PDZD2: variants seen among roughly 807,000 people sequenced by gnomAD.
The protein encoded by PDZD2 is PDZ domain containing 2, also known as PDZ domain-containing protein 2.
Under a neutral mutation model 220.7 loss-of-function variants are expected in PDZD2, and 90 were observed. That is an observed-to-expected ratio of 0.41 (90% CI 0.34 to 0.49). PDZD2 has a LOEUF of 0.49. Among genes scored for constraint, PDZD2 ranks in the 20% least tolerant of loss-of-function variants. PDZD2 has a pLI of 0.28. For synonymous variants in PDZD2, 1,375 were observed against 1,450.5 expected (o/e 0.95, Z 1.18); for missense variants, 3,174 against 3,608.5 (o/e 0.88, Z 3.08).
chr5:31,918,313 T>C (rs1434402090), intron 2 of PDZD2, among the ~76,000 whole-genome samples: 1 of 152,188 alleles, frequency 6.6e-6, no homozygotes, highest in African/African-American at 2.4e-5. Flanking sequence ...GGAAAGGCAC[T>C]GAGCTGGGTG....
At chr5:31,704,510 G>T (rs1001523566) in intron 1 of PDZD2, among the ~76,000 whole-genome samples, 2 of 152,142 alleles carry the variant, frequency 1.3e-5, no homozygotes, top group Non-Finnish European at 2.9e-5. Context: ...AATAATAAGT[G>T]CATCCATCCA....
chr5:31,730,054 C>G (rs1400083760), intron 1 of PDZD2, among the ~76,000 whole-genome samples: 1 of 152,182 alleles, frequency 6.6e-6, no homozygotes, highest in East Asian at 1.9e-4. Flanking sequence ...TCTTGAACTC[C>G]TGACCTCAGG....
chr5:31,812,049 C>G (rs994188263), intron 2 of PDZD2, among the ~76,000 whole-genome samples: 7 of 150,564 alleles, frequency 4.6e-5, no homozygotes, highest in African/African-American at 1.7e-4. Context: ...AATTCAAGCT[C>G]TGTTAAGTAC....
At chr5:31,698,365 G>A (rs1339438800) in intron 1 of PDZD2, among the ~76,000 whole-genome samples, 1 of 150,178 alleles carries the variant, frequency 6.7e-6, no homozygotes, top group Non-Finnish European at 1.5e-5. Context: ...GGAGGCCGAG[G>A]TGGGCGGATC....
Position 32,088,385 on chromosome 5 carries a change from G to A in PDZD2, c.4937G>A (p.Arg1646His), listed in dbSNP as rs749171190. ...CCGAGAGAGTCGGTGGCCAGTCCCC[G>A]TGAGAAGGCCGCCTGCTTGCCAGGC... ...STPRESVASPREKAACLPGSY... is the reference protein window; with the variant it reads ...STPRESVASPHEKAACLPGSY... Residue 1646 changes from arginine (R) to histidine (H), a missense_variant, in exon 20 of 25, where the codon CGT (arginine) becomes CAT (histidine). By Grantham distance (29) the Arg-to-His change is conservative. Transcript: ENST00000438447. This position sits in a 1 kb window ranked among gnomAD's most constrained non-coding sequence, Gnocchi z 4.6. 57 of 1,613,688 alleles carry A rather than the reference G, an allele frequency of 3.5e-5. No individual in the cohort carries two copies. Among genetic ancestry groups the A allele is most frequent in the African/African-American group, 5.3e-5 (4 of 74,846 alleles).
chr5:31,954,089 C>G (rs945298470), intron 2 of PDZD2, among the ~76,000 whole-genome samples: 2 of 152,044 alleles, frequency 1.3e-5, no homozygotes, highest in East Asian at 3.9e-4. Flanking sequence ...GCCTTCCAGC[C>G]TGGGCAACAG....
chr5:31,664,563 G>GTTCA (rs1413574928), intron 1 of PDZD2, among the ~76,000 whole-genome samples: 1 of 151,984 alleles, frequency 6.6e-6, no homozygotes, highest in Non-Finnish European at 1.5e-5. Context: ...GCCACAAATG[G>GTTCA]TTCACAGCCA....
chr5:31,696,628 C>T (rs549620758), intron 1 of PDZD2, among the ~76,000 whole-genome samples: 5 of 152,126 alleles, frequency 3.3e-5, no homozygotes, highest in East Asian at 1.9e-4. Context: ...GCTGAAAATA[C>T]GCTTCACAAG....
intron 2 of PDZD2, among the ~76,000 whole-genome samples, chr5:31,960,960 T>C (rs1315047913): frequency 6.6e-6 from 1 of 152,142 alleles, no homozygotes; most frequent in African/African-American, 2.4e-5. Context: ...TATTCATTGC[T>C]TTGTACCAGC....
At chr5:32,105,144 A>AATC (rs1413686830) in intron 24 of PDZD2, among the ~76,000 whole-genome samples, 8 of 142,736 alleles carry the variant, frequency 5.6e-5, no homozygotes, top group Non-Finnish European at 4.5e-5. Flanking sequence ...AAAAAAAAAC[A>AATC]ATCAATCAAT....
intron 1 of PDZD2, among the ~76,000 whole-genome samples, chr5:31,715,359 G>A (rs949121273): frequency 4.6e-5 from 7 of 152,186 alleles, no homozygotes; most frequent in Admixed American, 4.6e-4. Context: ...TGCCCCATGG[G>A]AAAGTCATGC....
intron 2 of PDZD2, among the ~76,000 whole-genome samples, chr5:31,922,654 G>C (rs557130905): frequency 6.6e-6 from 1 of 152,176 alleles, no homozygotes; most frequent in Non-Finnish European, 1.5e-5. Flanking sequence ...GTTCAAAGAA[G>C]CTTCACTAGC....
chr5:31,772,229 T>C (rs935068244), intron 1 of PDZD2, among the ~76,000 whole-genome samples: 2 of 152,210 alleles, frequency 1.3e-5, no homozygotes, highest in African/African-American at 2.4e-5. Context: ...TAACTCATCC[T>C]GGTCACCTGC....
intron 13 of PDZD2, 57 bp from the exon 14 acceptor site, chr5:32,060,945 T>G (rs1739625884): frequency 6.3e-7 from 1 of 1,581,622 alleles, no homozygotes; most frequent in Non-Finnish European, 8.7e-7. Flanking sequence ...AGAAGGCTAT[T>G]TTAGCTTTAA....
chr5:31,874,951 T>C (rs1000702222), intron 2 of PDZD2, among the ~76,000 whole-genome samples: 1 of 152,184 alleles, frequency 6.6e-6, no homozygotes, highest in Admixed American at 6.5e-5. Flanking sequence ...CATTCCAGTT[T>C]AGTGCATATC....
rs536743836 is a variant in PDZD2, at chr5:32,105,798, T to C, written c.8354-2171T>C. Among the ~76,000 whole-genome samples the C allele has an allele frequency of 3.3e-5, 5 of 152,338 alleles. No individual in the cohort carries two copies. In the East Asian group the frequency reaches 9.6e-4, roughly 29 times the overall value. ...ATGAGTAAATGGAGAGAGAGACATA[T>C]CCTGCTCAAATCTGTTAAGATTCAG... On this transcript the variant is annotated intron_variant, in intron 24 of 24. Transcript: ENST00000438447.
At chr5:31,794,576 A>G (rs781169417) in intron 1 of PDZD2, among the ~76,000 whole-genome samples, 3 of 150,846 alleles carry the variant, frequency 2.0e-5, no homozygotes, top group Non-Finnish European at 4.4e-5. Flanking sequence ...AATTTTTTGT[A>G]TTTTGTTTAG....
chr5:31,904,828 G>T (rs180991772), intron 2 of PDZD2, among the ~76,000 whole-genome samples: 3 of 152,274 alleles, frequency 2.0e-5, no homozygotes, highest in East Asian at 3.9e-4. Flanking sequence ...CAATTACATC[G>T]AATAAGGCTG....
chr5:31,919,719 G>GA (rs1554006705), intron 2 of PDZD2, among the ~76,000 whole-genome samples: 2,104 of 33,202 alleles, frequency 0.063, 81 homozygotes, highest in African/African-American at 0.16. Flanking sequence ...AAAAAAAAAG[G>GA]AAAAAAAAAA....
Sources: gnomAD v4.1 joint callset for allele counts (sites outside exome capture counted in the v4.1 genomes callset) on GRCh38, gnomAD v4.1.1 for gene constraint, Gnocchi (gnomAD v3.1) non-coding constraint, MANE v1.5 for transcripts, NCBI Gene and HGNC (gene_info 2026-07-23, HGNC 2026-07-21) for gene names.